TEAD4: variants seen among roughly 807,000 people sequenced by gnomAD.
The protein encoded by TEAD4 is TEA domain transcription factor 4, also known as transcriptional enhancer factor TEF-3.
TEAD4 carries 36 observed loss-of-function variants against 52.4 expected under a neutral mutation model. The observed-to-expected ratio is 0.69, with a 90% CI of 0.53 to 0.91. The LOEUF (loss-of-function observed/expected upper bound fraction) is 0.91, where lower values mean the gene tolerates loss of function less well. Ranked by LOEUF, TEAD4 falls within the 40% of genes least tolerant of loss-of-function variation. The pLI, the probability that TEAD4 is intolerant of heterozygous loss-of-function variation, is 0.00. For missense variants in TEAD4, 508 were observed against 583.9 expected (o/e 0.87, Z 1.34); for synonymous variants, 220 against 231.0 (o/e 0.95, Z 0.43).
At chr12:3,032,637 C>A (rs977516178) in intron 10 of TEAD4, among the ~76,000 whole-genome samples, 1 of 152,156 alleles carries the variant, frequency 6.6e-6, no homozygotes, top group East Asian at 1.9e-4. Context: ...CGCTGAAGAC[C>A]CCGTGTATGT....
intron 2 of TEAD4, among the ~76,000 whole-genome samples, chr12:2,980,551 G>A (rs1418310971): frequency 6.6e-6 from 1 of 151,778 alleles, no homozygotes; most frequent in Non-Finnish European, 1.5e-5. Context: ...TGGCCAACAT[G>A]GTGAAACCCC....
rs181423100 is a variant in TEAD4 at position 2,970,881 on chromosome 12, G to C, written c.-30+10841G>C. 5.3e-5 allele frequency among the ~76,000 whole-genome samples: 8 copies of C among 152,358 alleles called. No homozygotes were observed. In the East Asian group the frequency reaches 1.5e-3, roughly 29 times the overall value. On this transcript the variant is annotated intron_variant, in intron 2 of 12. Transcript: ENST00000359864. Reference sequence around the variant, plus strand: ...ATGACCTCATGTTGGAATGAGAGGTGGGGTCACTTCCAGCACTTGGAGGTT... The same window carrying C: ...ATGACCTCATGTTGGAATGAGAGGTCGGGTCACTTCCAGCACTTGGAGGTT...
chr12:2,963,397 G>C (rs377523340), intron 2 of TEAD4, among the ~76,000 whole-genome samples: 1 of 152,188 alleles, frequency 6.6e-6, no homozygotes, highest in South Asian at 2.1e-4. Context: ...GCTTGTGAGG[G>C]TGGCTTTACC....
intron 5 of TEAD4, among the ~76,000 whole-genome samples, chr12:3,014,936 G>A (rs972568290): frequency 6.6e-6 from 1 of 152,232 alleles, no homozygotes; most frequent in Admixed American, 6.5e-5. Flanking sequence ...CGCCTGCCAA[G>A]TCCCTCATGC....
In TEAD4 at chr12:2,969,859, A is replaced by G. The variant is rs185755637; in HGVS notation, c.-30+9819A>G. On this transcript the variant is annotated intron_variant, in intron 2 of 12. Coordinates refer to ENST00000359864, the MANE Select transcript of TEAD4 (RefSeq NM_003213.4). Reference sequence around the variant, plus strand: ...ATGACCCCCCACAACCCCAGAGAGCAGTGGCTATCAGTGCAGACTCCAGAG... The same window carrying G: ...ATGACCCCCCACAACCCCAGAGAGCGGTGGCTATCAGTGCAGACTCCAGAG... Among the ~76,000 whole-genome samples the G allele has an allele frequency of 2.1e-3, 322 of 152,352 alleles. 3 individuals are homozygous for G. The highest frequency in any genetic ancestry group is 7.4e-3 in the African/African-American group (306 of 41,582).
intron 2 of TEAD4, among the ~76,000 whole-genome samples, chr12:2,965,876 A>G (rs1268837288): frequency 6.6e-6 from 1 of 151,844 alleles, no homozygotes; most frequent in African/African-American, 2.4e-5. Context: ...TATTATTATT[A>G]TCGTAGACAG....
At chr12:3,021,307 C>CTTTTTT (rs371527718) in intron 9 of TEAD4, among the ~76,000 whole-genome samples, 4 of 133,166 alleles carry the variant, frequency 3.0e-5, no homozygotes, top group African/African-American at 2.8e-5. Context: ...CTTCAAACTT[C>CTTTTTT]TTTTTTTTTT....
In TEAD4 at chr12:2,994,133, G is replaced by A. The variant is rs1387720036; in HGVS notation, c.-29-605G>A. ...TCTGTCACCCAGGCTGGAGTGTAGTGGCGGGATCTCGGCTCACTGCAACCT... is the reference window on the plus strand; with the variant it reads ...TCTGTCACCCAGGCTGGAGTGTAGTAGCGGGATCTCGGCTCACTGCAACCT... On this transcript the variant is annotated intron_variant, in intron 2 of 12. Coordinates refer to ENST00000359864, the MANE Select transcript of TEAD4 (RefSeq NM_003213.4). This position sits in a 1 kb window ranked among gnomAD's most constrained non-coding sequence, Gnocchi z 4.7. 6.6e-6 allele frequency among the ~76,000 whole-genome samples: 1 copy of A among 152,146 alleles called. No individual in the cohort carries two copies. The highest frequency in any genetic ancestry group is 6.5e-5 in the Admixed American group (1 of 15,270).
At chr12:3,038,855 C>CTGCGTAG (rs2153958874) in intron 11 of TEAD4, among the ~76,000 whole-genome samples, 1 of 152,314 alleles carries the variant, frequency 6.6e-6, no homozygotes, top group South Asian at 2.1e-4. Context: ...TCTGGGCCCG[C>CTGCGTAG]TGCGTAGTGG....
chr12:2,959,762 C>A lies in TEAD4; in HGVS notation c.-122-186C>A, dbSNP rs997473310. 10 of 151,054 alleles carry A rather than the reference C, an allele frequency of 6.6e-5. No individual in the cohort carries two copies. Among genetic ancestry groups the A allele is most frequent in the African/African-American group, 2.4e-4 (10 of 41,214 alleles). The allele number at this position is 151,054 out of a possible 1,614,324, so 9.4% of individuals were successfully genotyped here. ...TCACTCCTCCAGGAATAGGGATCCCCGTGTTTTCCCGTCAGTCCCATTCTG... is the reference window on the plus strand; with the variant it reads ...TCACTCCTCCAGGAATAGGGATCCCAGTGTTTTCCCGTCAGTCCCATTCTG... On this transcript the variant is annotated intron_variant, in intron 1 of 12. Coordinates refer to ENST00000359864, the MANE Select transcript of TEAD4 (RefSeq NM_003213.4). The surrounding 1 kb of genome is among the most constrained non-coding windows in gnomAD (Gnocchi z 5.1).
At chr12:2,962,521 G>A (rs1018198031) in intron 2 of TEAD4, among the ~76,000 whole-genome samples, 1 of 151,666 alleles carries the variant, frequency 6.6e-6, no homozygotes, top group African/African-American at 2.4e-5. Context: ...TTTTAGTGGA[G>A]ACGGAGTTTC....
chr12:3,002,691 A>AGTAGG, intron 3 of TEAD4, among the ~76,000 whole-genome samples: 1 of 152,314 alleles, frequency 6.6e-6, no homozygotes, highest in Middle Eastern at 3.4e-3. Flanking sequence ...TAGGTGCCAA[A>AGTAGG]TGCACAGCAC....
chr12:3,011,285 C>T (rs1043242422), intron 4 of TEAD4, among the ~76,000 whole-genome samples: 3 of 151,996 alleles, frequency 2.0e-5, no homozygotes, highest in Non-Finnish European at 4.4e-5. Context: ...GACTGGAGTA[C>T]AATGACGTGA....
rs1363823051 is a variant in TEAD4, at chr12:2,988,363, G to A, written c.-29-6375G>A. Among the ~76,000 whole-genome samples the A allele has an allele frequency of 2.0e-5, 3 of 151,380 alleles. No individual in the cohort carries two copies. The East Asian group carries it at 5.9e-4, about 30-fold the overall frequency. The stretch of plus-strand genomic sequence containing the variant: ...CCCCGTCCCTACTAAAAATACAAAT[G>A]CAAAAATTAGCCGGGTGAGGTGGCG... On this transcript the variant is annotated intron_variant, in intron 2 of 12. Transcript: ENST00000359864.
At chr12:2,987,199 G>A (rs2098239219) in intron 2 of TEAD4, among the ~76,000 whole-genome samples, 1 of 152,150 alleles carries the variant, frequency 6.6e-6, no homozygotes, top group African/African-American at 2.4e-5. Context: ...AACCAATAGA[G>A]TGGGAATGCA....
chr12:3,024,207 TG>T (rs539599448), intron 10 of TEAD4, among the ~76,000 whole-genome samples: 1 of 152,156 alleles, frequency 6.6e-6, no homozygotes, highest in East Asian at 1.9e-4. Context: ...CCCGAGTAGC[TG>T]GGACTACAGG....
At position 3,017,390 on chromosome 12, in the gene TEAD4, T is replaced by A. The variant is rs1310373855; in HGVS notation, c.355-8T>A. 2 of 1,613,918 alleles carry A rather than the reference T, an allele frequency of 1.2e-6. No individual in the cohort carries two copies. The highest frequency in any genetic ancestry group is 2.2e-5 in the South Asian group (2 of 91,058). ...TGCTGAGGTCCTCCCTTGCAATGTC[T>A]CCCCCAGGACCAGGCAGCTAAGGAC... On this transcript the variant is annotated splice_polypyrimidine_tract_variant and splice_region_variant and intron_variant, in intron 5 of 12. Transcript: ENST00000359864.
At chr12:2,985,963 T>A (rs2098238152) in intron 2 of TEAD4, among the ~76,000 whole-genome samples, 1 of 151,890 alleles carries the variant, frequency 6.6e-6, no homozygotes, top group African/African-American at 2.4e-5. Context: ...GGCGGTTGCC[T>A]GTAATCCCAG....
intron 2 of TEAD4, among the ~76,000 whole-genome samples, chr12:2,988,234 C>G (rs2098240219): frequency 6.6e-6 from 1 of 151,982 alleles, no homozygotes; most frequent in African/African-American, 2.4e-5. Context: ...TACTAGGGGT[C>G]TGGCGCGGTG....
Sources: allele counts gnomAD v4.1 joint callset (sites outside exome capture counted in the v4.1 genomes callset), GRCh38; gene constraint gnomAD v4.1.1; non-coding constraint Gnocchi (gnomAD v3.1); transcripts MANE v1.5; gene names NCBI Gene and HGNC (gene_info 2026-07-23, HGNC 2026-07-21).